The following HOOK3 variants were observed in gnomAD, a reference collection of about 807,000 sequenced individuals.
HOOK3 encodes the protein protein Hook homolog 3.
HOOK3 carries 24 observed loss-of-function variants against 116.3 expected under a neutral mutation model. The observed-to-expected ratio is 0.21, with a 90% CI of 0.15 to 0.29. HOOK3 has a LOEUF of 0.29. HOOK3 is among the 10% of genes least tolerant of loss of function. The pLI, the probability that HOOK3 is intolerant of heterozygous loss-of-function variation, is 1.00. For missense variants in HOOK3, 632 were observed against 830.2 expected, an observed-to-expected ratio of 0.76 and a Z score of 2.93; for synonymous variants, 275 against 283.0, an observed-to-expected ratio of 0.97 and a Z score of 0.28.
Position 42,902,689 on chromosome 8 carries a change from A to G in HOOK3, c.58-3484A>G, listed in dbSNP as rs144696848. ...TCATTTTCTCATTCATTCTGAAGCA[A>G]CACACCCTTCTATAGGCTATTTTTC... On this transcript the variant is annotated intron_variant, in intron 1 of 21. Transcript: ENST00000307602. 4.7e-3 allele frequency among the ~76,000 whole-genome samples: 709 copies of G among 152,298 alleles called. 11 individuals carry two copies. The highest frequency in any genetic ancestry group is 0.016 in the African/African-American group (675 of 41,552).
At chr8:42,993,772 T>C (rs910628157) in intron 15 of HOOK3, among the ~76,000 whole-genome samples, 1 of 152,182 alleles carries the variant, frequency 6.6e-6, no homozygotes, top group Non-Finnish European at 1.5e-5. Flanking sequence ...TCTTCTAGAT[T>C]TTTCAATTTT....
chr8:43,001,856 C>T (rs1053039839), intron 16 of HOOK3, among the ~76,000 whole-genome samples: 6 of 151,992 alleles, frequency 3.9e-5, no homozygotes, highest in East Asian at 1.9e-4. Context: ...TTCATCTGCC[C>T]GACTATAAAT....
chr8:42,903,956 A>AAAAAC (rs1429009710), intron 1 of HOOK3, among the ~76,000 whole-genome samples: 3 of 152,122 alleles, frequency 2.0e-5, no homozygotes, highest in South Asian at 4.1e-4. Flanking sequence ...ACTCCGTCTG[A>AAAAAC]AAAACAAAAC....
chr8:42,945,002 G>A (rs1194325864), intron 5 of HOOK3, among the ~76,000 whole-genome samples: 5 of 151,858 alleles, frequency 3.3e-5, no homozygotes, highest in South Asian at 2.1e-4. Context: ...TTATTATTAC[G>A]TTGAAATATG....
rs1389990241 is a variant in HOOK3 at position 43,019,983 on chromosome 8, C to T, written c.*1485C>T. ...TTCATTTGGTTCTTTATGTTAAATACGAATAAGTAACCTCAAATCAAGCTA... is the reference window on the plus strand; with the variant it reads ...TTCATTTGGTTCTTTATGTTAAATATGAATAAGTAACCTCAAATCAAGCTA... On this transcript the variant is annotated 3_prime_UTR_variant, in exon 22 of 22. Transcript: ENST00000307602. 2 of 196,634 alleles carry T rather than the reference C, an allele frequency of 1.0e-5. No homozygotes were observed. The highest frequency in any genetic ancestry group is 1.6e-4 in the East Asian group (2 of 12,438). 12.2% of individuals were successfully genotyped at this position (196,634 alleles called of 1,614,324 possible). A position where few individuals can be genotyped will look rare whatever the true frequency, so the allele number is the denominator to read the frequency against.
In HOOK3 at chr8:43,016,994, C is replaced by A. The variant is rs544103215; in HGVS notation, c.2017-1364C>A. On this transcript the variant is annotated intron_variant, in intron 21 of 21. Transcript: ENST00000307602. ...TTCGAGACCAGCCTGGGCAACATGG[C>A]AAGACTCCGTCTAAAAAAAAAATGA... 2.6e-5 allele frequency among the ~76,000 whole-genome samples: 4 copies of A among 151,732 alleles called. No homozygotes were observed. In the South Asian group the frequency reaches 8.4e-4, roughly 32 times the overall value.
chr8:42,981,273 G>A (rs951476756), intron 13 of HOOK3, among the ~76,000 whole-genome samples: 1 of 151,480 alleles, frequency 6.6e-6, no homozygotes, highest in Non-Finnish European at 1.5e-5. Flanking sequence ...GGCTGGTCTC[G>A]AGCTCCTGAG....
intron 4 of HOOK3, among the ~76,000 whole-genome samples, chr8:42,938,451 A>G (rs1367178944): frequency 2.0e-5 from 3 of 151,954 alleles, no homozygotes; most frequent in African/African-American, 7.3e-5. Flanking sequence ...GCTAGTGGTT[A>G]TTTTGCCTAT....
intron 4 of HOOK3, among the ~76,000 whole-genome samples, chr8:42,940,697 C>A (rs1367471556): frequency 6.6e-6 from 1 of 152,120 alleles, no homozygotes; most frequent in Non-Finnish European, 1.5e-5. Flanking sequence ...TTCTTCATTT[C>A]AACCTTGGTG....
At chr8:42,910,832 T>G (rs961397241) in intron 2 of HOOK3, among the ~76,000 whole-genome samples, 2 of 152,214 alleles carry the variant, frequency 1.3e-5, no homozygotes, top group African/African-American at 4.8e-5. Flanking sequence ...ACATTTTAAT[T>G]AACTAAGAGA....
intron 5 of HOOK3, among the ~76,000 whole-genome samples, chr8:42,948,573 G>A (rs76038575): frequency 0.016 from 2,495 of 152,214 alleles, 31 homozygotes; most frequent in Non-Finnish European, 0.022. Flanking sequence ...TCAATAGGCT[G>A]TCATTAAATT....
chr8:42,928,978 G>T (rs556509796), intron 3 of HOOK3, among the ~76,000 whole-genome samples: 3 of 152,282 alleles, frequency 2.0e-5, no homozygotes, highest in African/African-American at 7.2e-5. Context: ...GGAGGCAGAG[G>T]TTGCAGTGAG....
At chr8:42,935,590 G>T (rs1807953796) in intron 4 of HOOK3, among the ~76,000 whole-genome samples, 1 of 152,148 alleles carries the variant, frequency 6.6e-6, no homozygotes, top group Non-Finnish European at 1.5e-5. Context: ...AAGGGGTCCA[G>T]TTTCAGTTTT....
At chr8:42,904,796 C>A (rs991360669) in intron 1 of HOOK3, among the ~76,000 whole-genome samples, 2 of 152,174 alleles carry the variant, frequency 1.3e-5, no homozygotes, top group Admixed American at 6.5e-5. Flanking sequence ...CCAATTCTTA[C>A]CCCTACTCGA....
intron 15 of HOOK3, among the ~76,000 whole-genome samples, chr8:42,993,984 A>C (rs957306183): frequency 6.6e-6 from 1 of 151,542 alleles, no homozygotes; most frequent in African/African-American, 2.4e-5. Context: ...CTTCATTTCA[A>C]ATTCATTTAT....
chr8:42,909,948 G>A (rs1807390691), intron 2 of HOOK3, among the ~76,000 whole-genome samples: 1 of 152,198 alleles, frequency 6.6e-6, no homozygotes, highest in Non-Finnish European at 1.5e-5. Flanking sequence ...CGAGGGGAAT[G>A]GAGGAGATGA....
intron 13 of HOOK3, among the ~76,000 whole-genome samples, chr8:42,975,458 A>T (rs1026746919): frequency 1.3e-5 from 2 of 152,008 alleles, no homozygotes; most frequent in African/African-American, 4.8e-5. Context: ...GTACAAGATG[A>T]TAGGTGCTAT....
At chr8:42,961,813 G>A (rs1215272399) in intron 8 of HOOK3, among the ~76,000 whole-genome samples, 1 of 152,058 alleles carries the variant, frequency 6.6e-6, no homozygotes, top group African/African-American at 2.4e-5. Context: ...TTGAGACAGG[G>A]TCTCACTCTG....
intron 13 of HOOK3, among the ~76,000 whole-genome samples, chr8:42,980,254 C>T (rs1214630761): frequency 6.6e-6 from 1 of 152,068 alleles, no homozygotes; most frequent in Non-Finnish European, 1.5e-5. Context: ...CACCCGACCT[C>T]TACATGAGTT....
Sources: allele counts gnomAD v4.1 joint callset (sites outside exome capture counted in the v4.1 genomes callset), GRCh38; gene constraint gnomAD v4.1.1; transcripts MANE v1.5; gene names NCBI Gene and HGNC (gene_info 2026-07-23, HGNC 2026-07-21).